The following SLC25A48 variants were observed in gnomAD, a reference collection of about 807,000 sequenced individuals.
SLC25A48 encodes the protein solute carrier family 25 member 48.
In SLC25A48, 29 loss-of-function variants were observed where a neutral mutation model predicts 32.2. The observed-to-expected ratio is 0.90, with a 90% CI of 0.67 to 1.23. The LOEUF is 1.23. Ranked by LOEUF, SLC25A48 falls within the 50% of genes most tolerant of loss-of-function variation. The probability of loss-of-function intolerance (pLI) is 0.00; values close to 1 mark genes in which losing one functional copy is unlikely to be tolerated. For synonymous variants in SLC25A48, 164 were observed against 172.3 expected (o/e 0.95, Z 0.38); for missense variants, 399 against 422.7 (o/e 0.94, Z 0.49).
At chr5:135,846,783 A>G (rs887959089) in intron 2 of SLC25A48, among the ~76,000 whole-genome samples, 41 of 152,280 alleles carry the variant, frequency 2.7e-4, no homozygotes, top group African/African-American at 6.7e-4. Flanking sequence ...AGTGTCAGAG[A>G]CCTGAGAAAA....
intron 3 of SLC25A48, among the ~76,000 whole-genome samples, chr5:135,655,337 C>T (rs1753217424): frequency 6.6e-6 from 1 of 152,174 alleles, no homozygotes; most frequent in East Asian, 1.9e-4. Context: ...GATAAGTGCT[C>T]TTCTGTGCTC....
chr5:135,628,809 G>A (rs554444517), intron 1 of SLC25A48, among the ~76,000 whole-genome samples: 2 of 152,210 alleles, frequency 1.3e-5, no homozygotes, highest in South Asian at 4.2e-4. Flanking sequence ...CTCCTATTTT[G>A]GAGGGATGTC....
intron 2 of SLC25A48, among the ~76,000 whole-genome samples, chr5:135,630,478 A>G (rs1340237313): frequency 6.6e-6 from 1 of 151,780 alleles, no homozygotes; most frequent in Non-Finnish European, 1.5e-5. Context: ...TGGGGACTTC[A>G]GGATAAAGCC....
intron 3 of SLC25A48, among the ~76,000 whole-genome samples, chr5:135,664,526 C>A (rs1753476293): frequency 6.6e-6 from 1 of 152,122 alleles, no homozygotes; most frequent in Non-Finnish European, 1.5e-5. Flanking sequence ...GATTTTGGTG[C>A]ACCCTTCACC....
At chr5:135,697,624 G>A (rs1754298678) in intron 3 of SLC25A48, among the ~76,000 whole-genome samples, 1 of 152,158 alleles carries the variant, frequency 6.6e-6, no homozygotes. Context: ...CATGATAAAA[G>A]TACCAGGTCC....
chr5:135,590,576 C>T (rs982946400), intron 1 of SLC25A48, among the ~76,000 whole-genome samples: 8 of 152,032 alleles, frequency 5.3e-5, no homozygotes, highest in South Asian at 2.1e-4. Flanking sequence ...CCCTTAAGCT[C>T]GGGGCTTCTC....
Position 135,850,504 on chromosome 5 carries a change from C to T in SLC25A48, c.162+8C>T. The T allele has an allele frequency of 6.2e-7, 1 of 1,613,880 alleles. No homozygotes were observed. The highest frequency in any genetic ancestry group is 8.5e-7 in the Non-Finnish European group (1 of 1,179,950). On this transcript the variant is annotated splice_region_variant and intron_variant, in intron 3 of 7. Coordinates refer to ENST00000681962, the MANE Select transcript of SLC25A48 (RefSeq NM_001349336.2). ...GTGTACAGGAGGGAGAGTGTAAGTG[C>T]CCCTTGGGCGGGTGGAGTGATGCCT...
chr5:135,705,012 GT>G (rs1754474616), intron 3 of SLC25A48, among the ~76,000 whole-genome samples: 1 of 152,184 alleles, frequency 6.6e-6, no homozygotes, highest in Admixed American at 6.5e-5. Context: ...GCTAAATGGG[GT>G]TCCAGGAGAC....
chr5:135,689,054 C>A (rs1754084169), intron 3 of SLC25A48, among the ~76,000 whole-genome samples: 1 of 152,286 alleles, frequency 6.6e-6, no homozygotes, highest in African/African-American at 2.4e-5. Context: ...AAGATCAAGG[C>A]TACATAGCTA....
At chr5:135,772,571 A>G (rs1002036530) in intron 3 of SLC25A48, among the ~76,000 whole-genome samples, 8 of 150,260 alleles carry the variant, frequency 5.3e-5, no homozygotes, top group Non-Finnish European at 1.2e-4. Context: ...AGATGATAAT[A>G]TTACTCCCAA....
intron 3 of SLC25A48, among the ~76,000 whole-genome samples, chr5:135,767,964 G>C (rs1466257160): frequency 6.8e-6 from 1 of 146,604 alleles, no homozygotes; most frequent in Non-Finnish European, 1.5e-5. Flanking sequence ...TCCGGGGGGG[G>C]GAGAGGATAA....
chr5:135,855,233 C>T (rs772727756), intron 4 of SLC25A48, among the ~76,000 whole-genome samples: 3 of 152,076 alleles, frequency 2.0e-5, no homozygotes, highest in Non-Finnish European at 2.9e-5. Flanking sequence ...CAAATGGTGC[C>T]GATAGCCTTG....
At chr5:135,885,321 T>C (rs1443939633) in intron 7 of SLC25A48, among the ~76,000 whole-genome samples, 3 of 152,122 alleles carry the variant, frequency 2.0e-5, no homozygotes, top group Admixed American at 6.5e-5. Flanking sequence ...TCCCAAGTGA[T>C]CCCACAAGCC....
At chr5:135,750,743 T>A (rs1269559658) in intron 3 of SLC25A48, among the ~76,000 whole-genome samples, 13 of 152,124 alleles carry the variant, frequency 8.5e-5, no homozygotes, top group Admixed American at 7.2e-4. Flanking sequence ...CTTTCCCCCA[T>A]CTGGATCTGT....
chr5:135,653,715 C>T (rs1753172391), intron 3 of SLC25A48: 1 of 433,368 alleles, frequency 2.3e-6, no homozygotes, highest in African/African-American at 2.0e-5. Context: ...CTCCACTCCC[C>T]ATAAGCTTCC....
At chr5:135,775,799 A>T (rs1756540788) in intron 3 of SLC25A48, among the ~76,000 whole-genome samples, 1 of 151,762 alleles carries the variant, frequency 6.6e-6, no homozygotes, top group African/African-American at 2.4e-5. Flanking sequence ...TCTAAAATTT[A>T]GGAAGGGAGA....
chr5:135,661,300 C>T (rs937395624), intron 3 of SLC25A48, among the ~76,000 whole-genome samples: 2 of 152,208 alleles, frequency 1.3e-5, no homozygotes, highest in Non-Finnish European at 2.9e-5. Flanking sequence ...CACCTGTGCC[C>T]AGGTAGCTGG....
rs1761602998 is a variant in SLC25A48, at chr5:135,871,071, ACACACACACACAC to A, written c.422-389_422-377del. 8.3e-5 allele frequency among the ~76,000 whole-genome samples: 6 copies of A among 72,186 alleles called. No homozygotes were observed. In the South Asian group the frequency reaches 2.4e-3, roughly 29 times the overall value. 47.4% of individuals were successfully genotyped at this position (72,186 alleles called of 152,430 possible). A position where few individuals can be genotyped will look rare whatever the true frequency, so the allele number is the denominator to read the frequency against. ...TAAATGTGTACACAGACACACACAC[ACACACACACACAC>A]ACACACACACACACACACACACACA... is the stretch of plus-strand genomic sequence containing the variant. On this transcript the variant is annotated intron_variant, in intron 4 of 7. Transcript: ENST00000681962.
chr5:135,827,461 T>C (rs1407362459), intron 4 of SLC25A48: 5 of 152,186 alleles, frequency 3.3e-5, no homozygotes, highest in Non-Finnish European at 7.4e-5. Context: ...TCCAAGGCAC[T>C]CCTATGACTT....
Sources: allele counts gnomAD v4.1 joint callset (sites outside exome capture counted in the v4.1 genomes callset), GRCh38; gene constraint gnomAD v4.1.1; transcripts MANE v1.5; gene names NCBI Gene and HGNC (gene_info 2026-07-23, HGNC 2026-07-21).